Variants in PSG11 observed in about 807,000 individuals in gnomAD.
PSG11 encodes the protein pregnancy-specific beta-1-glycoprotein 11.
Under a neutral mutation model 36.0 loss-of-function variants are expected in PSG11, and 42 were observed. That is an observed-to-expected ratio of 1.17 (90% confidence interval 0.91 to 1.51). The LOEUF (loss-of-function observed/expected upper bound fraction) is 1.51, where lower values mean the gene tolerates loss of function less well. Ranked by LOEUF, PSG11 falls within the 40% of genes most tolerant of loss-of-function variation. The pLI is 0.00. For missense variants in PSG11, 558 were observed against 403.5 expected, an observed-to-expected ratio of 1.38 and a Z score of -3.28; for synonymous variants, 206 against 153.5, an observed-to-expected ratio of 1.34 and a Z score of -2.53.
At chr19:43,008,575 C>G (rs561043884) in intron 5 of PSG11, among the ~76,000 whole-genome samples, 1 of 151,286 alleles carries the variant, frequency 6.6e-6, no homozygotes, top group African/African-American at 2.4e-5. Flanking sequence ...CGCACCCAGC[C>G]TAGAATACTC....
At chr19:43,022,608 T>TTGTGTGTGTGTGTGTGTGTGTGTGTGTG (rs765443468) in intron 2 of PSG11, among the ~76,000 whole-genome samples, 2 of 151,018 alleles carry the variant, frequency 1.3e-5, no homozygotes, top group African/African-American at 2.4e-5. Flanking sequence ...ATTTGTGTGT[T>TTGTGTGTGTGTGTGTGTGTGTGTGTGTG]TGTGTGTGTG....
rs10412348 is a variant in PSG11, at chr19:43,015,152, C to G, written c.928G>C (p.Glu310Gln). 1.2e-6 allele frequency: 2 copies of G among 1,611,794 alleles called. No homozygotes were observed. The highest frequency in any genetic ancestry group is 8.5e-7 in the Non-Finnish European group (1 of 1,178,930). Residue 310 changes from glutamate (E) to glutamine (Q), a missense_variant, in exon 4 of 6, where the codon GAG becomes CAG. Physicochemically the swap from Glu to Gln is conservative, Grantham distance 29 (BLOSUM62 2). Transcript: ENST00000320078. ...ACSARNSATG[E>Q]ESSTSLTIRV... ...ATTGTCAAGGATGTGGAGCTTTCCT[C>G]GCCAGTGGCTGAGTTACGAGCAGAG...
intron 3 of PSG11, among the ~76,000 whole-genome samples, chr19:43,016,760 A>T (rs1460561516): frequency 4.6e-5 from 7 of 151,586 alleles, no homozygotes; most frequent in Non-Finnish European, 1.5e-5. Flanking sequence ...GCTTTGGAGC[A>T]GAACCATGTT....
Position 43,010,702 on chromosome 19 carries a change from C to T in PSG11, c.965-661G>A, listed in dbSNP as rs117122435. ...GGGTTCTCCTGTACTACCTTCATGCCTGCCCCACATTCCCTCACAGGTGTC... is the reference window on the plus strand; with the variant it reads ...GGGTTCTCCTGTACTACCTTCATGCTTGCCCCACATTCCCTCACAGGTGTC... On this transcript the variant is annotated intron_variant, in intron 4 of 5. Coordinates refer to ENST00000320078, the MANE Select transcript of PSG11 (RefSeq NM_002785.3). 31 of 177,324 alleles carry T rather than the reference C, an allele frequency of 1.7e-4. 1 individual carries two copies. The East Asian group carries it at 4.3e-3, about 24-fold the overall frequency. 11.0% of individuals were successfully genotyped at this position (177,324 alleles called of 1,614,324 possible). A position where few individuals can be genotyped will look rare whatever the true frequency, so the allele number is the denominator to read the frequency against.
chr19:43,022,935 G>A lies in PSG11; in HGVS notation c.430+1756C>T, dbSNP rs545818980. Among the ~76,000 whole-genome samples, 74 of 150,798 alleles carry A rather than the reference G, an allele frequency of 4.9e-4. 2 individuals carry two copies. Among genetic ancestry groups the A allele is most frequent in the Middle Eastern group, 3.4e-3 (1 of 290 alleles). On this transcript the variant is annotated intron_variant, in intron 2 of 5. Coordinates refer to ENST00000320078, the MANE Select transcript of PSG11 (RefSeq NM_002785.3). ...GTCTGGGGAAGGCCTAGGGGTGGGG[G>A]AAGAAGCTGTGCAGGACAGGGCTTG...
intron 3 of PSG11, among the ~76,000 whole-genome samples, chr19:43,016,439 G>T (rs544846230): frequency 5.3e-5 from 8 of 151,182 alleles, no homozygotes; most frequent in Non-Finnish European, 7.4e-5. Context: ...TGCCCCCCTA[G>T]ATGTGATTTC....
intron 3 of PSG11, among the ~76,000 whole-genome samples, chr19:43,016,713 A>ATC (rs1380820524): frequency 6.6e-6 from 1 of 151,524 alleles, no homozygotes; most frequent in Non-Finnish European, 1.5e-5. Context: ...GCAAGGAATG[A>ATC]TCTAGGAAGA....
chr19:43,024,373 C>T (rs554287039), intron 2 of PSG11: 10 of 471,976 alleles, frequency 2.1e-5, no homozygotes, highest in East Asian at 1.8e-4. Flanking sequence ...CTACTCAGTT[C>T]TCCAGGGTCT....
chr19:43,024,934 T>G lies in PSG11; in HGVS notation c.187A>C (p.Thr63Pro). The G allele has an allele frequency of 6.2e-7, 1 of 1,611,838 alleles. No individual in the cohort carries two copies. Among genetic ancestry groups the G allele is most frequent in the South Asian group, 1.1e-5 (1 of 90,808 alleles). ...TGCCCTTTGTACCAGATGTAGCCAGTAAGATTCTGGGGCAAATTGTGGACA... is the reference window on the plus strand; with the variant it reads ...TGCCCTTTGTACCAGATGTAGCCAGGAAGATTCTGGGGCAAATTGTGGACA... ...LLVHNLPQNLTGYIWYKGQIR... is the reference protein window; with the variant it reads ...LLVHNLPQNLPGYIWYKGQIR... Residue 63 changes from threonine to proline, a missense_variant, in exon 2 of 6, where the codon ACT (threonine) becomes CCT (proline). Physicochemically the swap from Thr to Pro is conservative, Grantham distance 38. Coordinates refer to ENST00000320078, the MANE Select transcript of PSG11 (RefSeq NM_002785.3).
At chr19:43,026,248 A>G in intron 1 of PSG11, 61 bp downstream of exon 1, 3 of 1,602,804 alleles carry the variant, frequency 1.9e-6, no homozygotes, top group Non-Finnish European at 2.6e-6. Flanking sequence ...CCTCTCCAGG[A>G]GACCCCATCC....
intron 2 of PSG11, chr19:43,019,422 G>A (rs1272467902): frequency 2.1e-5 from 5 of 236,348 alleles, no homozygotes; most frequent in South Asian, 1.9e-4. Flanking sequence ...CTTAGTTTCA[G>A]TCTTACTTTT....
rs182211832 is a variant in PSG11, at chr19:43,025,729, T to A, written c.64+580A>T. On this transcript the variant is annotated intron_variant, in intron 1 of 5. Transcript: ENST00000320078. ...TTCATGCCCTGTTTATTTTTATTTGTAGTGTCATCTGATATAGTTATTATT... is the reference window on the plus strand; with the variant it reads ...TTCATGCCCTGTTTATTTTTATTTGAAGTGTCATCTGATATAGTTATTATT... Among the ~76,000 whole-genome samples, 669 of 149,802 alleles carry A rather than the reference T, an allele frequency of 4.5e-3. 22 individuals carry two copies. The highest frequency in any genetic ancestry group is 0.012 in the African/African-American group (477 of 40,606).
rs764786200 is a variant in PSG11 at position 43,015,937 on chromosome 19, C to A, written c.710-567G>T. 3.7e-6 allele frequency: 6 copies of A among 1,609,904 alleles called. 1 individual carries two copies. The highest frequency in any genetic ancestry group is 5.1e-6 in the Non-Finnish European group (6 of 1,179,028). ...CGGGAGGCTCTGACAATTTAGCCACCAAATGTAGGCATAGTTCTCACTCTT... is the reference window on the plus strand; with the variant it reads ...CGGGAGGCTCTGACAATTTAGCCACAAAATGTAGGCATAGTTCTCACTCTT... On this transcript the variant is annotated intron_variant, in intron 3 of 5. Coordinates refer to ENST00000320078, the MANE Select transcript of PSG11 (RefSeq NM_002785.3).
At chr19:43,012,751 C>T (rs1191296640) in intron 4 of PSG11, among the ~76,000 whole-genome samples, 2 of 151,388 alleles carry the variant, frequency 1.3e-5, no homozygotes, top group Non-Finnish European at 2.9e-5. Flanking sequence ...CCTTCAGAAT[C>T]TCAGTGACAT....
rs545410852 is a variant in PSG11 at position 43,014,696 on chromosome 19, T to C, written c.964+420A>G. ...ACCCAAGGGGCTTCCTCCTCTCATT[T>C]GGGGGAAAAGTGTGAGCTTGTTTCA... On this transcript the variant is annotated intron_variant, in intron 4 of 5. Coordinates refer to ENST00000320078, the MANE Select transcript of PSG11 (RefSeq NM_002785.3). The C allele has an allele frequency of 4.2e-6, 5 of 1,193,990 alleles. No individual in the cohort carries two copies. The East Asian group carries it at 1.8e-4, about 42-fold the overall frequency. 74.0% of individuals were successfully genotyped at this position (1,193,990 alleles called of 1,614,324 possible). A position where few individuals can be genotyped will look rare whatever the true frequency, so the allele number is the denominator to read the frequency against.
At chr19:43,013,921 G>A (rs1362926304) in intron 4 of PSG11, among the ~76,000 whole-genome samples, 1 of 151,430 alleles carries the variant, frequency 6.6e-6, no homozygotes, top group Non-Finnish European at 1.5e-5. Context: ...TCTATACATT[G>A]AAATGTTATT....
At chr19:43,010,668 G>A (rs1470900840) in intron 4 of PSG11, 7 of 219,232 alleles carry the variant, frequency 3.2e-5, no homozygotes, top group Non-Finnish European at 6.5e-5. Flanking sequence ...GCTCTGCATA[G>A]TGGTCTGTGG....
chr19:43,019,020 G>A lies in PSG11; in HGVS notation c.459C>T (p.Ser153=), dbSNP rs758982991. 7.4e-6 allele frequency: 12 copies of A among 1,611,950 alleles called. No individual in the cohort carries two copies. In the East Asian group the frequency reaches 1.1e-4, roughly 15 times the overall value. The change falls in exon 3 of 6, where the codon AGC becomes AGT. Residue 153 remains serine (S), a synonymous_variant. Coordinates refer to ENST00000320078, the MANE Select transcript of PSG11 (RefSeq NM_002785.3). ...YLETPKPSIS[S]SNLNPREAME... is the part of the protein sequence containing the mutation. Reference sequence around the variant, plus strand: ...TGGCCTCCCTGGGGTTTAAGTTGCTGCTGGAGATGGAGGGCTTGGGAGTCT... The same window carrying A: ...TGGCCTCCCTGGGGTTTAAGTTGCTACTGGAGATGGAGGGCTTGGGAGTCT...
At position 43,025,028 on chromosome 19, in the gene PSG11, A is replaced by G. The variant is rs1058220; in HGVS notation, c.93T>C (p.Pro31=). Residue 31 remains proline, a synonymous_variant, in exon 2 of 6, where the codon CCT becomes CCC. Coordinates refer to ENST00000320078, the MANE Select transcript of PSG11 (RefSeq NM_002785.3). The part of the protein sequence containing the change: ...TALLLNFWNL[P]TTAQVMIEAQ... ...CTTCAATCATGACTTGGGCAGTGGT[A>G]GGCAAGTTCCAGAAGTTTAAAAGTA... 1.2e-4 allele frequency: 200 copies of G among 1,610,570 alleles called. 3 individuals are homozygous for G. The highest frequency in any genetic ancestry group is 1.6e-4 in the Middle Eastern group (1 of 6,074).
Sources: allele counts gnomAD v4.1 joint callset (sites outside exome capture counted in the v4.1 genomes callset), GRCh38; gene constraint gnomAD v4.1.1; transcripts MANE v1.5; gene names NCBI Gene and HGNC (gene_info 2026-07-23, HGNC 2026-07-21).